Variants in EFCAB6 observed in about 807,000 individuals in gnomAD.
EFCAB6 encodes the protein EF-hand calcium-binding domain-containing protein 6.
In EFCAB6, 156 loss-of-function variants were observed where a neutral mutation model predicts 169.8. The observed-to-expected ratio is 0.92, with a 90% CI of 0.81 to 1.05. The LOEUF is 1.05. EFCAB6 is among the 50% of genes least tolerant of loss of function. The pLI, the probability that EFCAB6 is intolerant of heterozygous loss-of-function variation, is 0.00. For missense variants in EFCAB6, 1,800 were observed against 1,829.1 expected (o/e 0.98, Z 0.29); for synonymous variants, 698 against 676.4 (o/e 1.03, Z -0.50).
intron 19 of EFCAB6, among the ~76,000 whole-genome samples, chr22:43,630,024 G>A (rs1202346816): frequency 6.6e-6 from 1 of 152,176 alleles, no homozygotes; most frequent in Non-Finnish European, 1.5e-5. Context: ...TGAGGCCAGG[G>A]ACAGTGGCTC....
At chr22:43,708,089 T>TCCGTCTCAAAAAAAAAAAA (rs1491495110) in intron 10 of EFCAB6, among the ~76,000 whole-genome samples, 1 of 115,556 alleles carries the variant, frequency 8.7e-6, no homozygotes, top group Non-Finnish European at 1.8e-5. Flanking sequence ...TAAAGAAAAC[T>TCCGTCTCAAAAAAAAAAAA]AAAAAAAAAA....
rs1284577293 is a variant in EFCAB6, at chr22:43,537,231, T to C, written c.4048+146A>G. On this transcript the variant is annotated intron_variant, in intron 29 of 31. Coordinates refer to ENST00000262726, the MANE Select transcript of EFCAB6 (RefSeq NM_022785.4). The surrounding 1 kb of genome is among the most constrained non-coding windows in gnomAD (Gnocchi z 4.3). Reference sequence around the variant, plus strand: ...CCATGGGGACCTTTGTATAGTAAGCTGCACAGCCCACCCAGAAGTTCCCAC... The same window carrying C: ...CCATGGGGACCTTTGTATAGTAAGCCGCACAGCCCACCCAGAAGTTCCCAC... 9.8e-7 allele frequency: 1 copy of C among 1,020,800 alleles called. No homozygotes were observed. Among genetic ancestry groups the C allele is most frequent in the Non-Finnish European group, 1.4e-6 (1 of 691,632 alleles). The allele number at this position is 1,020,800 out of a possible 1,614,324, so 63.2% of individuals were successfully genotyped here. A position where few individuals can be genotyped will look rare whatever the true frequency, so the allele number is the denominator to read the frequency against.
intron 23 of EFCAB6, among the ~76,000 whole-genome samples, chr22:43,593,938 A>G (rs180777553): frequency 6.6e-6 from 1 of 152,318 alleles, no homozygotes; most frequent in East Asian, 1.9e-4. Flanking sequence ...CTGTAGTCAC[A>G]TCATATGCAG....
Position 43,537,622 on chromosome 22 carries a change from C to G in EFCAB6, c.3880-77G>C. 6.8e-7 allele frequency: 1 copy of G among 1,468,392 alleles called. No homozygotes were observed. The highest frequency in any genetic ancestry group is 9.1e-7 in the Non-Finnish European group (1 of 1,095,760). 91.0% of individuals were successfully genotyped at this position (1,468,392 alleles called of 1,614,324 possible). ...GTCATCAAAAATACCTCAATACCTC[C>G]AGTTTTGAGGTTCACAATTTTAGAG... is the stretch of plus-strand genomic sequence containing the variant. On this transcript the variant is annotated intron_variant, in intron 28 of 31. Transcript: ENST00000262726. This position sits in a 1 kb window ranked among gnomAD's most constrained non-coding sequence, Gnocchi z 4.3.
At chr22:43,533,505 G>A (rs567693779) in intron 30 of EFCAB6, 73 of 152,322 alleles carry the variant, frequency 4.8e-4, no homozygotes, top group African/African-American at 1.7e-3. Context: ...TCCCATTCTG[G>A]GGTCTCCAGA....
intron 25 of EFCAB6, among the ~76,000 whole-genome samples, chr22:43,577,752 C>G (rs889224604): frequency 6.6e-6 from 1 of 152,102 alleles, no homozygotes; most frequent in East Asian, 1.9e-4. Flanking sequence ...AGAGGAGCCT[C>G]CTGCAAAGCT....
At chr22:43,641,948 CT>C (rs531899050) in intron 17 of EFCAB6, among the ~76,000 whole-genome samples, 8 of 151,500 alleles carry the variant, frequency 5.3e-5, no homozygotes, top group South Asian at 4.2e-4. Flanking sequence ...TGGAGACTGG[CT>C]TTTTTTTTGA....
chr22:43,640,962 C>T (rs2055757034), intron 17 of EFCAB6, among the ~76,000 whole-genome samples: 1 of 152,156 alleles, frequency 6.6e-6, no homozygotes, highest in African/African-American at 2.4e-5. Flanking sequence ...TCTCGGTCCT[C>T]CCCAGCCTGG....
At chr22:43,810,487 G>T (rs2063075257) in intron 1 of EFCAB6, among the ~76,000 whole-genome samples, 1 of 152,134 alleles carries the variant, frequency 6.6e-6, no homozygotes, top group African/African-American at 2.4e-5. Flanking sequence ...ACCTGTCTCA[G>T]TTGTTAACAA....
intron 30 of EFCAB6, among the ~76,000 whole-genome samples, chr22:43,532,995 C>T (rs1569111387): frequency 6.6e-6 from 1 of 152,214 alleles, no homozygotes. Context: ...TAATTCAGTA[C>T]TAAAAACATT....
chr22:43,605,931 G>T (rs2052888538), intron 22 of EFCAB6, among the ~76,000 whole-genome samples: 1 of 152,180 alleles, frequency 6.6e-6, no homozygotes, highest in African/African-American at 2.4e-5. Context: ...AAATAAAAAT[G>T]ATAGGTGCTA....
chr22:43,672,774 A>G (rs1225074118), intron 13 of EFCAB6, among the ~76,000 whole-genome samples: 7 of 152,200 alleles, frequency 4.6e-5, no homozygotes, highest in Non-Finnish European at 8.8e-5. Context: ...ACTAATGGGT[A>G]CTAGGCTTAA....
chr22:43,529,064 C>T lies in EFCAB6; in HGVS notation c.4384-89G>A, dbSNP rs2046905595. The T allele has an allele frequency of 8.0e-6, 11 of 1,382,192 alleles. No individual in the cohort carries two copies. The South Asian group carries it at 1.7e-4, about 22-fold the overall frequency. The allele number at this position is 1,382,192 out of a possible 1,614,324, so 85.6% of individuals were successfully genotyped here. Reference sequence around the variant, plus strand: ...GCCAGGAAGGGGCTGGGGGACACATCCACCTGATCCCCAACCCCACTTCCG... The same window carrying T: ...GCCAGGAAGGGGCTGGGGGACACATTCACCTGATCCCCAACCCCACTTCCG... On this transcript the variant is annotated intron_variant, in intron 31 of 31. Coordinates refer to ENST00000262726, the MANE Select transcript of EFCAB6 (RefSeq NM_022785.4).
intron 27 of EFCAB6, chr22:43,552,826 A>C (rs1323006087): frequency 6.6e-6 from 1 of 152,140 alleles, no homozygotes; most frequent in Non-Finnish European, 1.5e-5. Context: ...TTTATTAGTA[A>C]AACCTTGATT....
At chr22:43,548,087 C>A (rs1183355837) in intron 27 of EFCAB6, among the ~76,000 whole-genome samples, 1 of 152,068 alleles carries the variant, frequency 6.6e-6, no homozygotes, top group Non-Finnish European at 1.5e-5. Flanking sequence ...TAAAGTGAGA[C>A]TCCGTCTCAA....
intron 21 of EFCAB6, among the ~76,000 whole-genome samples, chr22:43,614,481 A>G (rs1449142926): frequency 6.6e-6 from 1 of 152,194 alleles, no homozygotes; most frequent in African/African-American, 2.4e-5. Flanking sequence ...AATTAACTCA[A>G]ATGGATCACA....
At chr22:43,700,425 T>C (rs2058726547) in intron 10 of EFCAB6, among the ~76,000 whole-genome samples, 1 of 152,202 alleles carries the variant, frequency 6.6e-6, no homozygotes, top group South Asian at 2.1e-4. Context: ...TTACTCTTTC[T>C]TGCATTATTT....
intron 20 of EFCAB6, among the ~76,000 whole-genome samples, chr22:43,623,201 C>G (rs976561745): frequency 6.6e-5 from 10 of 152,264 alleles, no homozygotes; most frequent in Admixed American, 6.5e-4. Flanking sequence ...CAGGAAGGAT[C>G]TGATCATGCA....
intron 5 of EFCAB6, among the ~76,000 whole-genome samples, chr22:43,762,921 T>C (rs2061211927): frequency 6.6e-6 from 1 of 152,232 alleles, no homozygotes; most frequent in Non-Finnish European, 1.5e-5. Flanking sequence ...AAACTGTCAT[T>C]CTTTTGAAAG....
Sources: gnomAD v4.1 joint callset for allele counts (sites outside exome capture counted in the v4.1 genomes callset) on GRCh38, gnomAD v4.1.1 for gene constraint, Gnocchi (gnomAD v3.1) non-coding constraint, MANE v1.5 for transcripts, NCBI Gene and HGNC (gene_info 2026-07-23, HGNC 2026-07-21) for gene names.